TSPAN15: variants seen among roughly 807,000 people sequenced by gnomAD.
TSPAN15 encodes tetraspanin-15.
A neutral mutation model predicts 34.5 loss-of-function variants in TSPAN15; 20 were observed. The observed-to-expected ratio is 0.58, with a 90% CI of 0.41 to 0.84. The LOEUF (loss-of-function observed/expected upper bound fraction) is 0.84, where lower values mean the gene tolerates loss of function less well. TSPAN15 is among the 40% of genes least tolerant of loss of function. The pLI is 0.00. For missense variants in TSPAN15, 313 were observed against 386.1 expected, an observed-to-expected ratio of 0.81 and a Z score of 1.59; for synonymous variants, 155 against 153.9, an observed-to-expected ratio of 1.01 and a Z score of -0.05.
the TSPAN15 span, among the ~76,000 whole-genome samples, chr10:69,524,837 A>G: frequency 2.7e-5 from 4 of 145,732 alleles, no homozygotes; most frequent in Non-Finnish European, 6.0e-5. Flanking sequence ...TTGGGGTGCA[A>G]TGGTGCAATC....
chr10:69,507,711 G>A (rs1275498102), downstream of TSPAN15: 1 of 1,202,112 alleles, frequency 8.3e-7, no homozygotes, highest in Admixed American at 3.1e-5. Flanking sequence ...GCGGGGGTAA[G>A]GAAGGCTGCA....
At chr10:69,485,076 C>A (rs2305201) in intron 2 of TSPAN15, 65 bp from the exon 3 acceptor site, 651,145 of 1,486,828 alleles carry the variant, frequency 0.44, 145,389 homozygotes, top group African/African-American at 0.52. Flanking sequence ...CAGATGGTGC[C>A]TCCCCTGTAC....
At chr10:69,513,483 A>T in the TSPAN15 span, among the ~76,000 whole-genome samples, 17 of 152,138 alleles carry the variant, frequency 1.1e-4, no homozygotes, top group Non-Finnish European at 2.1e-4. Context: ...CTGGGATTAC[A>T]GGCATGAGCC....
chr10:69,496,982 T>C (rs1418583474), intron 4 of TSPAN15, among the ~76,000 whole-genome samples: 2 of 152,174 alleles, frequency 1.3e-5, no homozygotes, highest in Admixed American at 1.3e-4. Context: ...CCAGGTCCAG[T>C]GCTGAGTGCT....
chr10:69,489,029 C>T (rs948193534), intron 3 of TSPAN15, among the ~76,000 whole-genome samples: 1 of 152,166 alleles, frequency 6.6e-6, no homozygotes, highest in Non-Finnish European at 1.5e-5. Context: ...GAGGGTACTG[C>T]AGGAGACCAG....
At chr10:69,504,594 A>T in intron 6 of TSPAN15, 109 bp downstream of exon 6, 2 of 1,173,116 alleles carry the variant, frequency 1.7e-6, no homozygotes, top group Non-Finnish European at 2.5e-6. Context: ...AGATTTTCCC[A>T]CATTCCTGGC....
At chr10:69,507,871 C>T (rs1842369210), downstream of TSPAN15, among the ~76,000 whole-genome samples, 1 of 151,402 alleles carries the variant, frequency 6.6e-6, no homozygotes. Context: ...CCGAGGGAAA[C>T]AGCCTGGGCC....
At chr10:69,462,254 G>A (rs1174444553) in intron 1 of TSPAN15, among the ~76,000 whole-genome samples, 6 of 138,618 alleles carry the variant, frequency 4.3e-5, no homozygotes, top group African/African-American at 8.0e-5. Flanking sequence ...ACCTGCTTCC[G>A]CTTCCCAAAG....
chr10:69,484,485 C>T (rs549726901), intron 2 of TSPAN15, among the ~76,000 whole-genome samples: 1 of 152,326 alleles, frequency 6.6e-6, no homozygotes, highest in African/African-American at 2.4e-5. Context: ...AGGGATGACT[C>T]CCTAAAGCTG....
intron 1 of TSPAN15, among the ~76,000 whole-genome samples, chr10:69,461,670 C>T (rs1037036246): frequency 1.3e-5 from 2 of 152,158 alleles, no homozygotes; most frequent in African/African-American, 4.8e-5. Flanking sequence ...GTGCTGGGTG[C>T]AGGCATGGGC....
chr10:69,528,845 A>G, the TSPAN15 span, among the ~76,000 whole-genome samples: 82,367 of 146,904 alleles, frequency 0.56, 26,482 homozygotes, highest in African/African-American at 0.67. Flanking sequence ...GGCTAAGCCT[A>G]GGGCTTTTAT....
chr10:69,462,163 T>TTTTG (rs1554831164), intron 1 of TSPAN15, among the ~76,000 whole-genome samples: 15 of 89,874 alleles, frequency 1.7e-4, no homozygotes, highest in African/African-American at 5.5e-4. Flanking sequence ...AAGTTTTTTT[T>TTTTG]TTTTTTTTTT....
At chr10:69,476,028 G>A (rs528688745) in intron 1 of TSPAN15, among the ~76,000 whole-genome samples, 21 of 152,212 alleles carry the variant, frequency 1.4e-4, no homozygotes, top group African/African-American at 4.6e-4. Context: ...GAGTAGAAAT[G>A]TCATTTCTCC....
In TSPAN15 at chr10:69,466,191, C is replaced by T. The variant is rs1841380209; in HGVS notation, c.96+14501C>T. 3.9e-5 allele frequency among the ~76,000 whole-genome samples: 6 copies of T among 152,292 alleles called. No homozygotes were observed. The South Asian group carries it at 1.2e-3, about 32-fold the overall frequency. On this transcript the variant is annotated intron_variant, in intron 1 of 7. Transcript: ENST00000373290. ...TTTTTTTGGATAGGATATGCCAGGG[C>T]GTGAGAAGTCTTGTTCCTGATGAGG...
the TSPAN15 span, among the ~76,000 whole-genome samples, chr10:69,533,708 C>T: frequency 4.6e-5 from 7 of 152,294 alleles, no homozygotes; most frequent in East Asian, 1.2e-3. Flanking sequence ...AACCCAAGGA[C>T]GGGTTCATGG....
chr10:69,479,531 C>A (rs1841687909), intron 1 of TSPAN15, among the ~76,000 whole-genome samples: 1 of 152,224 alleles, frequency 6.6e-6, no homozygotes, highest in Non-Finnish European at 1.5e-5. Context: ...TGCCCCCCAC[C>A]CCCAGCCCTG....
intron 1 of TSPAN15, among the ~76,000 whole-genome samples, chr10:69,453,285 T>G (rs887425010): frequency 6.6e-6 from 1 of 152,166 alleles, no homozygotes; most frequent in South Asian, 2.1e-4. Flanking sequence ...TAGGTATTTA[T>G]TTAAATTTAC....
the TSPAN15 span, among the ~76,000 whole-genome samples, chr10:69,528,071 G>A: frequency 3.4e-5 from 5 of 148,034 alleles, no homozygotes; most frequent in African/African-American, 7.4e-5. Flanking sequence ...CATGCTATCC[G>A]CCCGGATCCC....
intron 1 of TSPAN15, among the ~76,000 whole-genome samples, chr10:69,483,210 G>A (rs895053181): frequency 6.6e-6 from 1 of 152,026 alleles, no homozygotes; most frequent in African/African-American, 2.4e-5. Flanking sequence ...TGATGGTCTC[G>A]ATCTCCTGGC....
Sources: allele counts gnomAD v4.1 joint callset (sites outside exome capture counted in the v4.1 genomes callset), GRCh38; gene constraint gnomAD v4.1.1; transcripts MANE v1.5; gene names NCBI Gene and HGNC (gene_info 2026-07-23, HGNC 2026-07-21).